Variants in PDE4D observed in about 807,000 individuals in gnomAD.
PDE4D encodes the protein 3',5'-cyclic-AMP phosphodiesterase 4D.
In PDE4D, 24 loss-of-function variants were observed where a neutral mutation model predicts 87.4. That is an observed-to-expected ratio of 0.27 (90% CI 0.20 to 0.39). The LOEUF (loss-of-function observed/expected upper bound fraction) is 0.39, where lower values mean the gene tolerates loss of function less well. Among genes scored for constraint, PDE4D ranks in the 10% least tolerant of loss-of-function variants. The probability of loss-of-function intolerance (pLI) is 1.00; values close to 1 mark genes in which losing one functional copy is unlikely to be tolerated. For synonymous variants in PDE4D, 384 were observed against 383.2 expected (o/e 1.00, Z -0.02); for missense variants, 714 against 1,041.0 (o/e 0.69, Z 4.32).
chr5:59,722,889 C>T (rs1014203912), intron 1 of PDE4D, among the ~76,000 whole-genome samples: 9 of 152,184 alleles, frequency 5.9e-5, no homozygotes, highest in Non-Finnish European at 1.0e-4. Context: ...ATGGAATAAA[C>T]GTGTTTGCCC....
intron 1 of PDE4D, among the ~76,000 whole-genome samples, chr5:60,370,816 G>GGA (rs1405016549): frequency 6.6e-6 from 1 of 151,608 alleles, no homozygotes. Context: ...AGAGAGGGAG[G>GGA]GAGAGAGAAA....
At chr5:59,047,645 G>A (rs1760909621) in intron 5 of PDE4D, among the ~76,000 whole-genome samples, 1 of 152,218 alleles carries the variant, frequency 6.6e-6, no homozygotes, top group Non-Finnish European at 1.5e-5. Flanking sequence ...AAGTTAGGAG[G>A]AAAAACTCTC....
intron 1 of PDE4D, among the ~76,000 whole-genome samples, chr5:59,852,741 G>T (rs1342509107): frequency 6.6e-6 from 1 of 151,938 alleles, no homozygotes; most frequent in African/African-American, 2.4e-5. Context: ...TAATTAAGAG[G>T]TGTATAAGAC....
In PDE4D at chr5:60,189,555, G is replaced by A. The variant is rs375809329; in HGVS notation, c.-89-3868C>T. ...CCCTGCAAATATAAATCTATGTATTGAAACAGCAAATGTCCCCATACATAA... is the reference window on the plus strand; with the variant it reads ...CCCTGCAAATATAAATCTATGTATTAAAACAGCAAATGTCCCCATACATAA... On this transcript the variant is annotated intron_variant, in intron 1 of 16. Transcript: ENST00000502484. Among the ~76,000 whole-genome samples, 11 of 152,144 alleles carry A rather than the reference G, an allele frequency of 7.2e-5. No individual in the cohort carries two copies. In the South Asian group the frequency reaches 1.9e-3, roughly 26 times the overall value.
chr5:59,101,366 G>A (rs1360975440), intron 5 of PDE4D, among the ~76,000 whole-genome samples: 1 of 152,136 alleles, frequency 6.6e-6, no homozygotes, highest in Non-Finnish European at 1.5e-5. Context: ...TCCTCAAACT[G>A]TACCAAGAGG....
chr5:59,317,441 G>T (rs1253507577), intron 1 of PDE4D, among the ~76,000 whole-genome samples: 2 of 152,168 alleles, frequency 1.3e-5, no homozygotes, highest in South Asian at 2.1e-4. Context: ...ACACCAGCAG[G>T]CTTCCCTAAC....
intron 5 of PDE4D, among the ~76,000 whole-genome samples, chr5:59,061,571 C>T (rs1580586912): frequency 6.6e-6 from 1 of 152,076 alleles, no homozygotes; most frequent in Non-Finnish European, 1.5e-5. Context: ...ATAACATCCA[C>T]TACAGTTACC....
chr5:59,070,806 A>G (rs1764659953), intron 5 of PDE4D, among the ~76,000 whole-genome samples: 1 of 152,168 alleles, frequency 6.6e-6, no homozygotes, highest in African/African-American at 2.4e-5. Context: ...GCTCAAACAC[A>G]TCAAGAATTT....
intron 1 of PDE4D, among the ~76,000 whole-genome samples, chr5:60,269,735 A>G (rs1399164390): frequency 6.6e-6 from 1 of 152,254 alleles, no homozygotes; most frequent in Non-Finnish European, 1.5e-5. Context: ...ATACATATGT[A>G]AGATGATGAA....
At chr5:60,139,702 T>C (rs1251420533) in intron 2 of PDE4D, among the ~76,000 whole-genome samples, 2 of 152,008 alleles carry the variant, frequency 1.3e-5, no homozygotes, top group Non-Finnish European at 2.9e-5. Context: ...GATAGGTCTG[T>C]TTTTCTCAAA....
intron 1 of PDE4D, among the ~76,000 whole-genome samples, chr5:59,574,108 A>ATATATT (rs1554032571): frequency 3.1e-5 from 1 of 32,380 alleles, no homozygotes; most frequent in African/African-American, 1.8e-4. Flanking sequence ...ATATATTTAT[A>ATATATT]TATATATATA....
chr5:59,573,070 G>C (rs1822151685), intron 1 of PDE4D, among the ~76,000 whole-genome samples: 2 of 152,128 alleles, frequency 1.3e-5, no homozygotes, highest in South Asian at 4.2e-4. Context: ...TAAGCTTCCT[G>C]ATTTACCCTG....
rs541869681 is a variant in PDE4D, at chr5:60,000,361, C to T, written c.43-11644G>A. Among the ~76,000 whole-genome samples the T allele has an allele frequency of 9.2e-5, 14 of 152,140 alleles. No homozygotes were observed. The East Asian group carries it at 1.2e-3, about 13-fold the overall frequency. On this transcript the variant is annotated intron_variant, in intron 2 of 16. Transcript: ENST00000502484. The stretch of plus-strand genomic sequence containing the variant: ...GAGAAAATGGCTCATCATGTGCAAG[C>T]GACCTTCAATGACATTAGCAGATTT...
chr5:59,896,985 C>G (rs1010909668), upstream of PDE4D, among the ~76,000 whole-genome samples: 2 of 152,062 alleles, frequency 1.3e-5, no homozygotes, highest in African/African-American at 2.4e-5. Context: ...TTCTTTTTCC[C>G]ACTAGTTGAC....
chr5:60,399,960 T>G (rs1740900100), intron 1 of PDE4D, among the ~76,000 whole-genome samples: 1 of 152,162 alleles, frequency 6.6e-6, no homozygotes, highest in South Asian at 2.1e-4. Context: ...AGATCTCAAG[T>G]GGATATATGA....
intron 1 of PDE4D, among the ~76,000 whole-genome samples, chr5:59,550,326 C>T (rs1488115446): frequency 6.6e-6 from 1 of 152,018 alleles, no homozygotes; most frequent in East Asian, 1.9e-4. Context: ...CAGTTTTCCA[C>T]TATAATAAAC....
At chr5:59,191,328 T>C (rs917617362) in intron 3 of PDE4D, among the ~76,000 whole-genome samples, 2 of 151,952 alleles carry the variant, frequency 1.3e-5, no homozygotes, top group Admixed American at 1.3e-4. Flanking sequence ...TTAATAAATA[T>C]TACTTGATGT....
intron 1 of PDE4D, among the ~76,000 whole-genome samples, chr5:59,877,479 TA>T (rs70975344): frequency 0.21 from 21,649 of 102,204 alleles, 1,719 homozygotes; most frequent in Middle Eastern, 0.28. Flanking sequence ...TGCCAGAACC[TA>T]AAAAAAAAAA....
intron 1 of PDE4D, among the ~76,000 whole-genome samples, chr5:60,264,562 G>C (rs1749988477): frequency 6.6e-6 from 1 of 152,194 alleles, no homozygotes; most frequent in Non-Finnish European, 1.5e-5. Context: ...ACATGTACTG[G>C]GTAAGTGGAC....
Sources: allele counts gnomAD v4.1 joint callset (sites outside exome capture counted in the v4.1 genomes callset), GRCh38; gene constraint gnomAD v4.1.1; transcripts MANE v1.5; gene names NCBI Gene and HGNC (gene_info 2026-07-23, HGNC 2026-07-21).